Variants in FRMD4B observed in about 807,000 individuals in gnomAD.
FRMD4B encodes FERM domain containing 4B.
Under a neutral mutation model 141.5 loss-of-function variants are expected in FRMD4B, and 74 were observed. The ratio of observed to expected loss-of-function variants is 0.52; its 90% confidence interval spans 0.43 to 0.63. FRMD4B has a LOEUF of 0.63. FRMD4B is among the 30% of genes least tolerant of loss of function. The pLI, the probability that FRMD4B is intolerant of heterozygous loss-of-function variation, is 0.00. For missense variants in FRMD4B, 1,366 were observed against 1,253.4 expected, an observed-to-expected ratio of 1.09 and a Z score of -1.36; for synonymous variants, 506 against 467.9, an observed-to-expected ratio of 1.08 and a Z score of -1.05.
intron 1 of FRMD4B, among the ~76,000 whole-genome samples, chr3:69,494,056 A>G (rs1706346606): frequency 6.6e-6 from 1 of 152,110 alleles, no homozygotes; most frequent in Non-Finnish European, 1.5e-5. Context: ...TTTTAAAAGA[A>G]ATTTGTAGAG....
intron 1 of FRMD4B, chr3:69,353,725 G>A (rs1042272175): frequency 2.0e-6 from 2 of 982,664 alleles, no homozygotes; most frequent in African/African-American, 1.7e-5. Flanking sequence ...AACTCCCGAC[G>A]CCTTCCGCTG....
At chr3:69,322,775 T>A (rs1337362960) in intron 1 of FRMD4B, among the ~76,000 whole-genome samples, 2 of 152,082 alleles carry the variant, frequency 1.3e-5, no homozygotes, top group Non-Finnish European at 2.9e-5. Flanking sequence ...TTTTTCTATT[T>A]TTTTGTAGAG....
intron 1 of FRMD4B, among the ~76,000 whole-genome samples, chr3:69,438,836 T>G (rs184106548): frequency 6.6e-6 from 1 of 152,130 alleles, no homozygotes; most frequent in Non-Finnish European, 1.5e-5. Flanking sequence ...AATATGGAAA[T>G]ATACAGAAGA....
At chr3:69,270,343 G>A (rs1444483703) in intron 5 of FRMD4B, among the ~76,000 whole-genome samples, 1 of 152,168 alleles carries the variant, frequency 6.6e-6, no homozygotes, top group African/African-American at 2.4e-5. Context: ...GGGCTCTTAG[G>A]CATGTGAAGC....
At chr3:69,314,128 G>T (rs1380240063) in intron 1 of FRMD4B, among the ~76,000 whole-genome samples, 1 of 82,370 alleles carries the variant, frequency 1.2e-5, no homozygotes, top group Non-Finnish European at 2.0e-5. Context: ...GACAGAGCGA[G>T]ACTCCGTCTC....
Position 69,169,912 on chromosome 3 carries a change from C to G in FRMD4B, c.*1949G>C, listed in dbSNP as rs2092567402. ...CTGTGAAATTAGTATAAATTACTTG[C>G]TACAAATAAACAACATTCCCAAGAT... On this transcript the variant is annotated 3_prime_UTR_variant, in exon 23 of 23. Transcript: ENST00000398540. 2 of 152,086 alleles carry G rather than the reference C, an allele frequency of 1.3e-5. No homozygotes were observed. The highest frequency in any genetic ancestry group is 4.8e-5 in the African/African-American group (2 of 41,424). 9.4% of individuals were successfully genotyped at this position (152,086 alleles called of 1,614,324 possible).
intron 3 of FRMD4B, among the ~76,000 whole-genome samples, chr3:69,309,534 C>A (rs1575716357): frequency 6.6e-6 from 1 of 151,706 alleles, no homozygotes; most frequent in African/African-American, 2.4e-5. Flanking sequence ...CCTCAACCTC[C>A]TGGGCTCAAG....
intron 16 of FRMD4B, among the ~76,000 whole-genome samples, chr3:69,194,549 A>C (rs1039283874): frequency 3.3e-5 from 5 of 152,212 alleles, no homozygotes; most frequent in African/African-American, 9.6e-5. Context: ...TATATTGGCT[A>C]ACAAATATTT....
chr3:69,510,904 G>A (rs1706675970), intron 1 of FRMD4B, among the ~76,000 whole-genome samples: 1 of 152,198 alleles, frequency 6.6e-6, no homozygotes, highest in South Asian at 2.1e-4. Flanking sequence ...GTGAGCATGG[G>A]AGAATAATTT....
At chr3:69,412,840 C>CTTTTTTTTT (rs869150440) in intron 2 of FRMD4B, among the ~76,000 whole-genome samples, 1 of 54,242 alleles carries the variant, frequency 1.8e-5, no homozygotes, top group Non-Finnish European at 3.2e-5. Flanking sequence ...AGAAGCTCCA[C>CTTTTTTTTT]TTTTTTTTTT....
intron 4 of FRMD4B, among the ~76,000 whole-genome samples, chr3:69,299,230 C>T (rs553226025): frequency 2.0e-5 from 3 of 152,226 alleles, no homozygotes; most frequent in African/African-American, 7.2e-5. Context: ...TCAGCATTTA[C>T]AGATCTATAT....
Position 69,249,238 on chromosome 3 carries a change from C to T in FRMD4B, c.569G>A (p.Gly190Glu), listed in dbSNP as rs2093445811. ...LAAFILQEAK[G>E]DYTSDENARK... ...AGAAAAGCATTACCTGGTATAATCT[C>T]CCTTGGCTTCCTAAAAACAACAAAC... Residue 190 changes from glycine (G) to glutamate (E), a missense_variant, in exon 7 of 23, where the codon GGA becomes GAA. Transcript: ENST00000398540. The T allele has an allele frequency of 6.4e-7, 1 of 1,574,720 alleles. No individual in the cohort carries two copies. Among genetic ancestry groups the T allele is most frequent in the East Asian group, 2.3e-5 (1 of 44,354 alleles).
chr3:69,234,611 A>T (rs2093332260), intron 7 of FRMD4B, among the ~76,000 whole-genome samples: 1 of 152,210 alleles, frequency 6.6e-6, no homozygotes. Flanking sequence ...TTCTAATAGT[A>T]AGTTTCTCTC....
chr3:69,443,113 C>A (rs923318846), intron 1 of FRMD4B, among the ~76,000 whole-genome samples: 1 of 152,154 alleles, frequency 6.6e-6, no homozygotes, highest in African/African-American at 2.4e-5. Context: ...GAGGAACCAA[C>A]CATGTGATTA....
intron 1 of FRMD4B, among the ~76,000 whole-genome samples, chr3:69,341,486 T>C (rs1702737007): frequency 6.6e-6 from 1 of 152,228 alleles, no homozygotes; most frequent in African/African-American, 2.4e-5. Flanking sequence ...TATAAATGGC[T>C]GCAGGAGTGG....
Position 69,255,398 on chromosome 3 carries a change from G to A in FRMD4B, c.502-5299C>T, listed in dbSNP as rs755240261. ...TGTCTCATAATAAAAGTTTGAAGCC[G>A]GGTCCAGTGAGTGGTATATGCCTGT... On this transcript the variant is annotated intron_variant, in intron 5 of 22. Coordinates refer to ENST00000398540, the MANE Select transcript of FRMD4B (RefSeq NM_015123.3). Among the ~76,000 whole-genome samples the A allele has an allele frequency of 5.9e-5, 9 of 152,032 alleles. No individual in the cohort carries two copies. In the East Asian group the frequency reaches 1.3e-3, roughly 23 times the overall value.
chr3:69,304,240 T>C (rs2107180192), intron 3 of FRMD4B, among the ~76,000 whole-genome samples: 1 of 151,710 alleles, frequency 6.6e-6, no homozygotes, highest in Non-Finnish European at 1.5e-5. Context: ...CTTTGGCACT[T>C]TGGGAGGCCG....
chr3:69,355,817 G>A (rs1033409696), intron 1 of FRMD4B, among the ~76,000 whole-genome samples: 2 of 152,134 alleles, frequency 1.3e-5, no homozygotes, highest in Non-Finnish European at 2.9e-5. Flanking sequence ...CTGAGGTAAG[G>A]GGTTTGAGAC....
chr3:69,233,656 C>T (rs774766730), intron 7 of FRMD4B, among the ~76,000 whole-genome samples: 2 of 152,030 alleles, frequency 1.3e-5, no homozygotes, highest in Non-Finnish European at 2.9e-5. Context: ...TGTATATGTA[C>T]CATACAGCTT....
Sources: allele counts gnomAD v4.1 joint callset (sites outside exome capture counted in the v4.1 genomes callset), GRCh38; gene constraint gnomAD v4.1.1; transcripts MANE v1.5; gene names NCBI Gene and HGNC (gene_info 2026-07-23, HGNC 2026-07-21).